MAGI1: variants seen among roughly 807,000 people sequenced by gnomAD.
MAGI1 encodes membrane-associated guanylate kinase, WW and PDZ domain-containing protein 1.
In MAGI1, 58 loss-of-function variants were observed where a neutral mutation model predicts 139.9. That is an observed-to-expected ratio of 0.41 (90% confidence interval 0.34 to 0.52). The LOEUF is 0.52. Ranked by LOEUF, MAGI1 falls within the 20% of genes least tolerant of loss-of-function variation. The pLI, the probability that MAGI1 is intolerant of heterozygous loss-of-function variation, is 0.12. For synonymous variants in MAGI1, 812 were observed against 737.9 expected (o/e 1.10, Z -1.63); for missense variants, 1,874 against 1,901.6 (o/e 0.99, Z 0.27).
At chr3:65,746,639 C>T (rs1235937986) in intron 1 of MAGI1, among the ~76,000 whole-genome samples, 1 of 152,118 alleles carries the variant, frequency 6.6e-6, no homozygotes, top group African/African-American at 2.4e-5. Context: ...ATCTAGTGAG[C>T]ACAAACTACC....
At chr3:65,562,640 C>G (rs1370354242) in intron 2 of MAGI1, among the ~76,000 whole-genome samples, 2 of 152,116 alleles carry the variant, frequency 1.3e-5, no homozygotes, top group Admixed American at 1.3e-4. Context: ...AAGTGCAAGC[C>G]AATTTGCCAA....
chr3:65,437,157 T>C lies in MAGI1; in HGVS notation c.1361A>G (p.Gln454Arg), dbSNP rs2107390249. 3 of 1,598,212 alleles carry C rather than the reference T, an allele frequency of 1.9e-6. No individual in the cohort carries two copies. The highest frequency in any genetic ancestry group is 2.2e-5 in the East Asian group (1 of 44,706). ...AATTAGAAAGACAAGTACTTTACCC[T>C]GAAGTGGAACTTCTCTGGCTGGCTC... ...NPEPAREVPL[Q>R]GKPFFTRNPS... is the part of the protein sequence containing the mutation. Residue 454 changes from glutamine (Q) to arginine (R), a missense_variant and splice_region_variant, in exon 10 of 23, where the codon CAG becomes CGG. By Grantham distance (43) the Gln-to-Arg change is conservative. This residue lies in a region of MAGI1 where 648 missense variants were observed against 598.1 expected (regional missense o/e 1.08). Transcript: ENST00000402939.
At chr3:65,870,036 G>C (rs1229097955) in intron 1 of MAGI1, among the ~76,000 whole-genome samples, 1 of 152,176 alleles carries the variant, frequency 6.6e-6, no homozygotes, top group Non-Finnish European at 1.5e-5. Context: ...AGTTGTTTCT[G>C]AATCTGGGAG....
At chr3:65,798,036 T>G (rs1375366487) in intron 1 of MAGI1, among the ~76,000 whole-genome samples, 1 of 152,188 alleles carries the variant, frequency 6.6e-6, no homozygotes, top group Non-Finnish European at 1.5e-5. Context: ...CCTGGTGCAG[T>G]GGCTCACACC....
At chr3:65,800,726 T>A (rs1487626373) in intron 1 of MAGI1, among the ~76,000 whole-genome samples, 1 of 152,160 alleles carries the variant, frequency 6.6e-6, no homozygotes, top group Non-Finnish European at 1.5e-5. Flanking sequence ...TAAAATAAAA[T>A]TTTTAAATAT....
intron 1 of MAGI1, among the ~76,000 whole-genome samples, chr3:65,895,925 T>C (rs1156523827): frequency 5.9e-5 from 9 of 152,198 alleles, no homozygotes; most frequent in Non-Finnish European, 1.2e-4. Context: ...TACAAGCAGA[T>C]AGATACCCAG....
chr3:65,456,675 A>T (rs1044702018), intron 5 of MAGI1, among the ~76,000 whole-genome samples: 1 of 152,006 alleles, frequency 6.6e-6, no homozygotes, highest in Non-Finnish European at 1.5e-5. Context: ...AGTCTGAATT[A>T]TTTGGGGTTA....
intron 2 of MAGI1, among the ~76,000 whole-genome samples, chr3:65,516,120 T>C (rs946807207): frequency 2.6e-5 from 4 of 152,174 alleles, no homozygotes; most frequent in African/African-American, 9.6e-5. Context: ...GTGAGAGAAT[T>C]GCCTGAGCAC....
intron 10 of MAGI1, among the ~76,000 whole-genome samples, chr3:65,431,823 TA>T (rs542312627): frequency 1.5e-3 from 212 of 143,840 alleles, no homozygotes; most frequent in Non-Finnish European, 1.5e-3. Flanking sequence ...CTGTCTCTAC[TA>T]AAAAAAAAAA....
At chr3:65,403,364 T>C (rs73127506) in intron 12 of MAGI1, among the ~76,000 whole-genome samples, 8,500 of 152,200 alleles carry the variant, frequency 0.056, 253 homozygotes, top group East Asian at 0.083. Context: ...TAGGAGAAAA[T>C]ATTTTACCTA....
At chr3:65,687,706 G>A in intron 1 of MAGI1, 1 of 526,436 alleles carries the variant, frequency 1.9e-6, no homozygotes. Context: ...AGCTGTTGCT[G>A]CCCTGGGAAA....
At chr3:65,520,176 C>G (rs2078089827) in intron 2 of MAGI1, among the ~76,000 whole-genome samples, 1 of 152,192 alleles carries the variant, frequency 6.6e-6, no homozygotes, top group African/African-American at 2.4e-5. Flanking sequence ...GAGCCCTAGT[C>G]AAATTACAGA....
intron 5 of MAGI1, among the ~76,000 whole-genome samples, chr3:65,466,090 A>G (rs897910446): frequency 3.9e-5 from 6 of 152,070 alleles, no homozygotes; most frequent in African/African-American, 1.2e-4. Flanking sequence ...TAAATCATCT[A>G]TGGCTTTGCT....
intron 1 of MAGI1, among the ~76,000 whole-genome samples, chr3:65,644,654 G>T (rs1236736092): frequency 6.6e-6 from 1 of 152,056 alleles, no homozygotes; most frequent in African/African-American, 2.4e-5. Context: ...GGCTCGACAA[G>T]AAAATGGAGG....
At chr3:65,812,480 A>ACACACACACG (rs1553711423) in intron 1 of MAGI1, among the ~76,000 whole-genome samples, 2,138 of 145,878 alleles carry the variant, frequency 0.015, 51 homozygotes, top group African/African-American at 0.041. Flanking sequence ...ACACACACAC[A>ACACACACACG]CACACACACA....
intron 1 of MAGI1, among the ~76,000 whole-genome samples, chr3:65,732,590 A>G (rs1351605502): frequency 6.6e-6 from 1 of 152,238 alleles, no homozygotes; most frequent in African/African-American, 2.4e-5. Flanking sequence ...ACTTACCTAG[A>G]AAACAAGAAT....
intron 1 of MAGI1, among the ~76,000 whole-genome samples, chr3:65,782,890 C>A (rs1489725824): frequency 6.7e-6 from 1 of 148,884 alleles, no homozygotes; most frequent in East Asian, 2.0e-4. Context: ...AATGTAAGAG[C>A]TAAATTATTA....
rs1293324266 is a variant in MAGI1 at position 65,381,898 on chromosome 3, G to A, written c.2680C>T (p.Arg894Trp). Residue 894 changes from arginine (R) to tryptophan (W), a missense_variant, in exon 16 of 23, where the codon CGG becomes TGG. By Grantham distance (101) the Arg-to-Trp change is moderately radical (BLOSUM62 -3). This residue lies in a region of MAGI1 where 482 missense variants were observed against 509.6 expected (regional missense o/e 0.95). Coordinates refer to ENST00000402939, the MANE Select transcript of MAGI1 (RefSeq NM_001033057.2). ...AKQGHVNLTV[R>W]RKVVFAVPKT... Reference sequence around the variant, plus strand: ...ATACCCGCAAAAACCACTTTACGCCGCACCGTGAGATTGACGTGGCCTTGC... The same window carrying A: ...ATACCCGCAAAAACCACTTTACGCCACACCGTGAGATTGACGTGGCCTTGC... 8.7e-6 allele frequency: 14 copies of A among 1,612,950 alleles called. No homozygotes were observed. The highest frequency in any genetic ancestry group is 2.2e-5 in the South Asian group (2 of 90,918).
chr3:65,552,951 T>A (rs2079914649), intron 2 of MAGI1, among the ~76,000 whole-genome samples: 1 of 152,198 alleles, frequency 6.6e-6, no homozygotes, highest in African/African-American at 2.4e-5. Context: ...GAGAGGGAAT[T>A]ATATCCTCCT....
Sources: gnomAD v4.1 joint callset for allele counts (sites outside exome capture counted in the v4.1 genomes callset) on GRCh38, gnomAD v4.1.1 for gene constraint, gnomAD v4.1.1 regional missense constraint, MANE v1.5 for transcripts, NCBI Gene and HGNC (gene_info 2026-07-23, HGNC 2026-07-21) for gene names.